L3MBTL3: variants seen among roughly 807,000 people sequenced by gnomAD.
The protein encoded by L3MBTL3 is L3MBTL histone methyl-lysine binding protein 3, also known as lethal(3)malignant brain tumor-like protein 3.
Under a neutral mutation model 102.3 loss-of-function variants are expected in L3MBTL3, and 27 were observed. The ratio of observed to expected loss-of-function variants is 0.26; its 90% CI spans 0.19 to 0.36. The LOEUF (loss-of-function observed/expected upper bound fraction) is 0.36, where lower values mean the gene tolerates loss of function less well. Among genes scored for constraint, L3MBTL3 ranks in the 10% least tolerant of loss-of-function variants. L3MBTL3 has a pLI of 1.00. For synonymous variants in L3MBTL3, 340 were observed against 320.9 expected, an observed-to-expected ratio of 1.06 and a Z score of -0.64; for missense variants, 798 against 955.3, an observed-to-expected ratio of 0.84 and a Z score of 2.17.
chr6:130,055,246 C>A lies in L3MBTL3; in HGVS notation c.658C>A (p.Leu220Ile), dbSNP rs764842531. ...RRKRRGDSAV[L>I]KQGLPPKGKK... Reference sequence around the variant, plus strand: ...GAAAAGACGAGGGGATTCGGCTGTACTAAAGCAGGGTGAGCTGATGAAAAT... The same window carrying A: ...GAAAAGACGAGGGGATTCGGCTGTAATAAAGCAGGGTGAGCTGATGAAAAT... The change falls in exon 8 of 23, where the codon CTA becomes ATA. Residue 220 changes from leucine (L) to isoleucine (I), a missense_variant. By Grantham distance (5) the Leu-to-Ile change is conservative. This residue lies in a region of L3MBTL3 where 434 missense variants were observed against 506.6 expected (regional missense o/e 0.86). Coordinates refer to ENST00000361794, the MANE Select transcript of L3MBTL3 (RefSeq NM_032438.4). 1 of 1,612,250 alleles carries A rather than the reference C, an allele frequency of 6.2e-7. No homozygotes were observed. The highest frequency in any genetic ancestry group is 1.1e-5 in the South Asian group (1 of 90,774).
At chr6:130,083,202 C>G (rs1783474223) in intron 14 of L3MBTL3, among the ~76,000 whole-genome samples, 2 of 152,084 alleles carry the variant, frequency 1.3e-5, no homozygotes, top group African/African-American at 2.4e-5. Context: ...TTAATAAGTA[C>G]TTTCTGCTTA....
intron 2 of L3MBTL3, among the ~76,000 whole-genome samples, chr6:130,040,023 C>T (rs1780320460): frequency 6.6e-6 from 1 of 152,112 alleles, no homozygotes; most frequent in Non-Finnish European, 1.5e-5. Flanking sequence ...GAATCATAAT[C>T]TGTTACATTA....
At chr6:130,135,585 A>C (rs1787560706) in intron 22 of L3MBTL3, among the ~76,000 whole-genome samples, 2 of 152,324 alleles carry the variant, frequency 1.3e-5, no homozygotes, top group South Asian at 2.1e-4. Flanking sequence ...ATTCAAGTTT[A>C]AATTCAAAAT....
rs1355759239 is a variant in L3MBTL3 at position 130,133,778 on chromosome 6, G to A, written c.2137-65G>A. The A allele has an allele frequency of 4.0e-6, 6 of 1,491,708 alleles. No homozygotes were observed. The highest frequency in any genetic ancestry group is 5.6e-6 in the Non-Finnish European group (6 of 1,070,796). 92.4% of individuals were successfully genotyped at this position (1,491,708 alleles called of 1,614,324 possible). A position where few individuals can be genotyped will look rare whatever the true frequency, so the allele number is the denominator to read the frequency against. On this transcript the variant is annotated intron_variant, in intron 21 of 22. Transcript: ENST00000361794. This position sits in a 1 kb window ranked among gnomAD's most constrained non-coding sequence, Gnocchi z 4.9. The stretch of plus-strand genomic sequence containing the variant: ...CTAATGCATATGGGTTAAATGTTTT[G>A]AACCTGTAGCATTTAGATTCTGACT...
At chr6:130,039,349 A>G (rs1780270810) in intron 2 of L3MBTL3, among the ~76,000 whole-genome samples, 1 of 152,136 alleles carries the variant, frequency 6.6e-6, no homozygotes, top group Admixed American at 6.5e-5. Context: ...TTGATATCAT[A>G]AAATATCCAA....
intron 19 of L3MBTL3, among the ~76,000 whole-genome samples, chr6:130,114,140 G>A (rs148320586): frequency 3.9e-4 from 59 of 152,268 alleles, no homozygotes; most frequent in Middle Eastern, 6.8e-3. Flanking sequence ...TCTAGCTCTT[G>A]AGAACTTGAG....
chr6:130,028,073 CT>C lies in L3MBTL3; in HGVS notation c.-16+5783del, dbSNP rs67901301. 5.0e-3 allele frequency among the ~76,000 whole-genome samples: 708 copies of C among 141,088 alleles called. 3 individuals carry two copies. The highest frequency in any genetic ancestry group is 0.01 in the African/African-American group (389 of 38,362). The allele number at this position is 141,088 out of a possible 152,430, so 92.6% of individuals were successfully genotyped here. The stretch of plus-strand genomic sequence containing the variant: ...GTTTGTGATTTCACTTTCTGTGTAC[CT>C]TTTTTTTTTTTTTTCTTGAAAGGCA... On this transcript the variant is annotated intron_variant, in intron 2 of 22. Transcript: ENST00000361794.
At chr6:130,107,249 A>C (rs925767643) in intron 19 of L3MBTL3, among the ~76,000 whole-genome samples, 4 of 152,174 alleles carry the variant, frequency 2.6e-5, no homozygotes, top group African/African-American at 9.7e-5. Flanking sequence ...GGTTTGGCCA[A>C]AACTACAGTT....
rs13216323 is a variant in L3MBTL3 at position 130,127,966 on chromosome 6, G to C, written c.1967-5486G>C. ...TTTTATACCATTTTCTGAATGTGGG[G>C]ACCTACTTTTTTAGACTGTTTCTAT... On this transcript the variant is annotated intron_variant, in intron 20 of 22. Transcript: ENST00000361794. Among the ~76,000 whole-genome samples, 4 of 152,152 alleles carry C rather than the reference G, an allele frequency of 2.6e-5. No homozygotes were observed. The South Asian group carries it at 8.3e-4, about 32-fold the overall frequency.
In L3MBTL3 at chr6:130,139,836, A is replaced by G; in HGVS notation, c.*83A>G. 1 of 1,312,582 alleles carries G rather than the reference A, an allele frequency of 7.6e-7. No individual in the cohort carries two copies. The highest frequency in any genetic ancestry group is 1.1e-6 in the Non-Finnish European group (1 of 936,174). The allele number at this position is 1,312,582 out of a possible 1,614,324, so 81.3% of individuals were successfully genotyped here. A position where few individuals can be genotyped will look rare whatever the true frequency, so the allele number is the denominator to read the frequency against. ...AGCACAAGGACGGTTATAACTCCTA[A>G]GTGAGAAGTCTCCAAAACTCAAAAG... On this transcript the variant is annotated 3_prime_UTR_variant, in exon 23 of 23. Coordinates refer to ENST00000361794, the MANE Select transcript of L3MBTL3 (RefSeq NM_032438.4).
At chr6:130,033,227 G>A (rs1341444438) in intron 2 of L3MBTL3, among the ~76,000 whole-genome samples, 2 of 152,160 alleles carry the variant, frequency 1.3e-5, no homozygotes, top group African/African-American at 2.4e-5. Flanking sequence ...GAGGCTCAAA[G>A]CAGTTTTATA....
chr6:130,083,172 A>G (rs1216602929), intron 14 of L3MBTL3, among the ~76,000 whole-genome samples: 1 of 152,222 alleles, frequency 6.6e-6, no homozygotes, highest in Non-Finnish European at 1.5e-5. Flanking sequence ...ATTAATATAT[A>G]TAAATCTACC....
rs114500311 is a variant in L3MBTL3, at chr6:130,091,309, G to A, written c.1519-1436G>A. 2.7e-3 allele frequency among the ~76,000 whole-genome samples: 409 copies of A among 152,068 alleles called. 2 individuals carry two copies. Among genetic ancestry groups the A allele is most frequent in the African/African-American group, 9.4e-3 (389 of 41,488 alleles). On this transcript the variant is annotated intron_variant, in intron 16 of 22. Transcript: ENST00000361794. ...TCTGTTGTCTTGTAAGGAATGAGAG[G>A]TTCATAGACTTCTAAAAAGAAATCT...
At chr6:130,136,753 G>A (rs942265714) in intron 22 of L3MBTL3, among the ~76,000 whole-genome samples, 20 of 152,078 alleles carry the variant, frequency 1.3e-4, no homozygotes, top group Admixed American at 9.2e-4. Flanking sequence ...AAGTAGCTGG[G>A]ACTGCAGGTG....
At chr6:130,138,108 T>C (rs191636604) in intron 22 of L3MBTL3, 1 of 152,352 alleles carries the variant, frequency 6.6e-6, no homozygotes, top group African/African-American at 2.4e-5. Flanking sequence ...ATGAAGCATT[T>C]AGGCAGTCTA....
intron 20 of L3MBTL3, among the ~76,000 whole-genome samples, chr6:130,132,646 C>A (rs542903181): frequency 1.3e-5 from 2 of 152,274 alleles, no homozygotes; most frequent in African/African-American, 4.8e-5. Context: ...CGACGATTGA[C>A]AGCTCTAAGT....
At chr6:130,027,421 A>G (rs917459816) in intron 2 of L3MBTL3, among the ~76,000 whole-genome samples, 1 of 152,144 alleles carries the variant, frequency 6.6e-6, no homozygotes, top group South Asian at 2.1e-4. Context: ...TTCTCCATCC[A>G]TTACACTGTT....
intron 2 of L3MBTL3, among the ~76,000 whole-genome samples, chr6:130,022,745 G>T (rs181896157): frequency 1.3e-5 from 2 of 152,262 alleles, no homozygotes; most frequent in Admixed American, 1.3e-4. Flanking sequence ...GGGTGCTTTG[G>T]GGGTATTTGT....
intron 18 of L3MBTL3, among the ~76,000 whole-genome samples, chr6:130,102,096 A>T (rs973722057): frequency 6.0e-5 from 9 of 149,780 alleles, no homozygotes; most frequent in African/African-American, 2.2e-4. Context: ...ATTCTATCTC[A>T]GGGGGAAAAA....
Sources: allele counts gnomAD v4.1 joint callset (sites outside exome capture counted in the v4.1 genomes callset), GRCh38; gene constraint gnomAD v4.1.1; regional missense constraint gnomAD v4.1.1; non-coding constraint Gnocchi (gnomAD v3.1); transcripts MANE v1.5; gene names NCBI Gene and HGNC (gene_info 2026-07-23, HGNC 2026-07-21).